The following PRRC2C variants were observed in gnomAD, a reference collection of about 807,000 sequenced individuals.
The protein encoded by PRRC2C is proline rich coiled-coil 2C, also known as protein PRRC2C.
A neutral mutation model predicts 317.2 loss-of-function variants in PRRC2C; 72 were observed. The ratio of observed to expected loss-of-function variants is 0.23; its 90% CI spans 0.19 to 0.28. The LOEUF is 0.28. Among genes scored for constraint, PRRC2C ranks in the 10% least tolerant of loss-of-function variants. The probability of loss-of-function intolerance (pLI) is 1.00; values close to 1 mark genes in which losing one functional copy is unlikely to be tolerated. For synonymous variants in PRRC2C, 1,296 were observed against 1,205.9 expected (o/e 1.07, Z -1.55); for missense variants, 3,074 against 3,459.7 (o/e 0.89, Z 2.80).
chr1:171,586,347 T>C (rs1395189155), intron 30 of PRRC2C, among the ~76,000 whole-genome samples: 4 of 151,502 alleles, frequency 2.6e-5, no homozygotes, highest in African/African-American at 9.6e-5. Flanking sequence ...TACCTTGGCC[T>C]CCCAAAGTGC....
At chr1:171,504,601 C>T (rs549744652) in intron 1 of PRRC2C, among the ~76,000 whole-genome samples, 8 of 152,286 alleles carry the variant, frequency 5.3e-5, no homozygotes, top group African/African-American at 1.7e-4. Flanking sequence ...TATTTCTAGA[C>T]TCTATTCTGC....
intron 34 of PRRC2C, among the ~76,000 whole-genome samples, chr1:171,590,322 C>T (rs185862093): frequency 1.2e-4 from 19 of 152,132 alleles, no homozygotes; most frequent in Non-Finnish European, 5.9e-5. Flanking sequence ...CTTTAGGAGT[C>T]TGTGTGGGGA....
In PRRC2C at chr1:171,540,044, C is replaced by G; in HGVS notation, c.2578C>G (p.Pro860Ala). The G allele has an allele frequency of 6.2e-7, 1 of 1,613,854 alleles. No individual in the cohort carries two copies. Among genetic ancestry groups the G allele is most frequent in the Non-Finnish European group, 8.5e-7 (1 of 1,179,854 alleles). ...AGAACATAATCAATTAGAGGCTCACCCAAAGGCAGACTTTATCAGAGAATC... is the reference window on the plus strand; with the variant it reads ...AGAACATAATCAATTAGAGGCTCACGCAAAGGCAGACTTTATCAGAGAATC... ...SVEHNQLEAH[P>A]KADFIRESSE... The change falls in exon 16 of 35, where the codon CCA (proline) becomes GCA (alanine). Residue 860 changes from proline (P) to alanine (A), a missense_variant. Transcript: ENST00000647382.
At chr1:171,544,296 G>T (rs553055430) in intron 16 of PRRC2C, among the ~76,000 whole-genome samples, 1 of 152,006 alleles carries the variant, frequency 6.6e-6, no homozygotes, top group Non-Finnish European at 1.5e-5. Context: ...GCTAATTTTT[G>T]TATTTTTAGA....
chr1:171,549,923 A>G (rs1402820312), intron 17 of PRRC2C, among the ~76,000 whole-genome samples, 163 bp from the exon 18 acceptor site: 2 of 151,890 alleles, frequency 1.3e-5, no homozygotes, highest in Admixed American at 1.3e-4. Flanking sequence ...TTTACAATGA[A>G]TGGCCATGCA....
At chr1:171,564,462 C>T (rs1002899184) in intron 20 of PRRC2C, among the ~76,000 whole-genome samples, 3 of 152,178 alleles carry the variant, frequency 2.0e-5, no homozygotes, top group Admixed American at 6.5e-5. Context: ...ATTTTCTTTT[C>T]TAATACTACT....
In PRRC2C at chr1:171,537,352, G is replaced by T. The variant is rs777317615; in HGVS notation, c.2383G>T (p.Ala795Ser). ...SESFEHIARS[A>S]RDHAISLSEP... ...GTCATTTGAGCATATAGCTCGATCT[G>T]CAAGAGATCACGCAATTTCCCTTTC... is the stretch of plus-strand genomic sequence containing the variant. The change falls in exon 15 of 35, where the codon GCA becomes TCA. Residue 795 changes from alanine to serine, a missense_variant. Physicochemically the swap from Ala to Ser is moderately conservative, Grantham distance 99. Coordinates refer to ENST00000647382, the MANE Select transcript of PRRC2C (RefSeq NM_001387844.1). 6.3e-7 allele frequency: 1 copy of T among 1,594,968 alleles called. No homozygotes were observed. The highest frequency in any genetic ancestry group is 2.2e-5 in the East Asian group (1 of 44,448).
At chr1:171,585,613 T>A (rs1174694378) in intron 30 of PRRC2C, among the ~76,000 whole-genome samples, 1 of 152,248 alleles carries the variant, frequency 6.6e-6, no homozygotes, top group Non-Finnish European at 1.5e-5. Flanking sequence ...TTGAAAGTAT[T>A]ATGTAAAATG....
Position 171,544,994 on chromosome 1 carries a change from A to G in PRRC2C, c.4764-485A>G, listed in dbSNP as rs140715178. 5.7e-4 allele frequency among the ~76,000 whole-genome samples: 87 copies of G among 152,348 alleles called. 1 individual carries two copies. The East Asian group carries it at 0.017, about 29-fold the overall frequency. ...GGTTTGTGAAGTGAATTATTTCCAT[A>G]TTAAAGTTTTTTAAATAATTATATC... On this transcript the variant is annotated intron_variant, in intron 16 of 34. Transcript: ENST00000647382.
chr1:171,547,180 C>G (rs1679272296), intron 17 of PRRC2C, among the ~76,000 whole-genome samples: 1 of 152,110 alleles, frequency 6.6e-6, no homozygotes, highest in Non-Finnish European at 1.5e-5. Flanking sequence ...AGAAATTAAG[C>G]TATTCATTTC....
chr1:171,582,511 G>A (rs1648861986), intron 28 of PRRC2C, among the ~76,000 whole-genome samples: 2 of 152,150 alleles, frequency 1.3e-5, no homozygotes, highest in South Asian at 2.1e-4. Context: ...GAACCTAGGT[G>A]GCATAGCCTG....
Position 171,514,656 on chromosome 1 carries a change from A to G in PRRC2C, c.400+11A>G, listed in dbSNP as rs756493532. On this transcript the variant is annotated intron_variant, in intron 4 of 34. Transcript: ENST00000647382. ...GTGGGCAAGGAGATGGTAAGTGGAC[A>G]TTAGTTGGGGAAGCTGCCTAGGCTT... The G allele has an allele frequency of 2.8e-5, 44 of 1,550,692 alleles. No homozygotes were observed. In the Admixed American group the frequency reaches 3.9e-4, roughly 14 times the overall value.
At chr1:171,571,075 C>T (rs1684702729) in intron 23 of PRRC2C, among the ~76,000 whole-genome samples, 1 of 152,162 alleles carries the variant, frequency 6.6e-6, no homozygotes, top group African/African-American at 2.4e-5. Context: ...ATATCTGGTG[C>T]AGACTCTCTT....
intron 6 of PRRC2C, among the ~76,000 whole-genome samples, chr1:171,519,410 T>C (rs1245652119): frequency 2.0e-5 from 3 of 152,244 alleles, no homozygotes; most frequent in Non-Finnish European, 2.9e-5. Context: ...TTCATATTTC[T>C]TTTAAGAATC....
chr1:171,550,306 G>A, intron 18 of PRRC2C, 66 bp downstream of exon 18: 2 of 1,396,412 alleles, frequency 1.4e-6, no homozygotes, highest in Non-Finnish European at 1.9e-6. Flanking sequence ...ATCAGCAAAT[G>A]TTCAAGGTTT....
Position 171,540,548 on chromosome 1 carries a change from G to A in PRRC2C, c.3082G>A (p.Glu1028Lys). The A allele has an allele frequency of 6.2e-7, 1 of 1,613,734 alleles. No homozygotes were observed. The highest frequency in any genetic ancestry group is 1.1e-5 in the South Asian group (1 of 91,070). Residue 1028 changes from glutamate (E) to lysine (K), a missense_variant, in exon 16 of 35, where the codon GAG (glutamate) becomes AAG (lysine). Glu to Lys is a moderately conservative substitution (Grantham distance 56). Coordinates refer to ENST00000647382, the MANE Select transcript of PRRC2C (RefSeq NM_001387844.1). ...AAAACCTGTACTTAGAGATATGAAA[G>A]AGGAACGGGAACAGAGGAAGGAGAA... ...IKKPVLRDMK[E>K]EREQRKEKEG...
intron 1 of PRRC2C, among the ~76,000 whole-genome samples, chr1:171,500,843 T>G (rs188023503): frequency 6.6e-6 from 1 of 152,300 alleles, no homozygotes; most frequent in East Asian, 1.9e-4. Flanking sequence ...AAAACAAAAC[T>G]GTTACAAGGT....
chr1:171,577,723 C>A, intron 26 of PRRC2C, 86 bp downstream of exon 26: 1 of 1,199,716 alleles, frequency 8.3e-7, no homozygotes, highest in Non-Finnish European at 1.2e-6. Flanking sequence ...ACCCTTTCAG[C>A]TAAGCATAAG....
intron 31 of PRRC2C, 23 bp from the exon 32 acceptor site, chr1:171,587,625 G>A (rs747064237): frequency 2.0e-6 from 3 of 1,501,086 alleles, no homozygotes; most frequent in Admixed American, 3.4e-5. Flanking sequence ...GAAATGTTAA[G>A]TTTATTTTAT....
Sources: gnomAD v4.1 joint callset for allele counts (sites outside exome capture counted in the v4.1 genomes callset) on GRCh38, gnomAD v4.1.1 for gene constraint, MANE v1.5 for transcripts, NCBI Gene and HGNC (gene_info 2026-07-23, HGNC 2026-07-21) for gene names.